NBDY: variants seen among roughly 807,000 people sequenced by gnomAD.
NBDY encodes the protein P-body dissociating protein.
intron 2 of NBDY, among the ~76,000 whole-genome samples, chrX:56,739,297 T>G (rs1482530514): frequency 3.3e-4 from 29 of 87,177 alleles, no homozygotes; most frequent in African/African-American, 1.2e-3. Context: ...TATATATATA[T>G]ATAGAGAGAG....
chrX:56,781,251 C>G (rs1387571323), intron 2 of NBDY, among the ~76,000 whole-genome samples: 1 of 111,989 alleles, frequency 8.9e-6, no homozygotes, highest in Non-Finnish European at 1.9e-5. Flanking sequence ...TCATTCACAA[C>G]TGTTTCCCGT....
chrX:56,757,502 G>A (rs1330093306), intron 2 of NBDY, among the ~76,000 whole-genome samples: 1 of 111,523 alleles, frequency 9.0e-6, no homozygotes, highest in Non-Finnish European at 1.9e-5. Flanking sequence ...CTTGACATCC[G>A]AAAAACAAAA....
chrX:56,814,210 T>G (rs952087277), intron 2 of NBDY, among the ~76,000 whole-genome samples: 1 of 111,201 alleles, frequency 9.0e-6, no homozygotes, highest in Admixed American at 9.6e-5. Flanking sequence ...CTTATCTTCT[T>G]TTAATTTCAT....
intron 2 of NBDY, among the ~76,000 whole-genome samples, chrX:56,736,326 G>A (rs766700160): frequency 3.8e-4 from 43 of 111,787 alleles, no homozygotes; most frequent in Non-Finnish European, 6.4e-4. Flanking sequence ...GTGCAGTGGC[G>A]CAATCTAGGC....
intron 2 of NBDY, among the ~76,000 whole-genome samples, chrX:56,744,735 G>A (rs971827464): frequency 9.0e-6 from 1 of 111,453 alleles, no homozygotes. Context: ...AAAATCCCCA[G>A]TGGATGCCTG....
rs780519694 is a variant in NBDY at position 56,797,929 on chromosome X, G to T, written c.*167-19391G>T. Among the ~76,000 whole-genome samples, 12 of 111,700 alleles carry T rather than the reference G, an allele frequency of 1.1e-4. 1 individual carries two copies. The Admixed American group carries it at 1.1e-3, about 11-fold the overall frequency. The stretch of plus-strand genomic sequence containing the variant: ...CAAACACACATGCAGACACACACAC[G>T]CAGGCACACTGACACATAAAGTCAC... On this transcript the variant is annotated intron_variant, in intron 2 of 2. Transcript: ENST00000374922.
At chrX:56,741,903 T>G (rs750091227) in intron 2 of NBDY, among the ~76,000 whole-genome samples, 4 of 111,800 alleles carry the variant, frequency 3.6e-5, no homozygotes, top group Non-Finnish European at 7.5e-5. Context: ...AAGAAATTTT[T>G]GCCCAGATCA....
chrX:56,783,242 T>G (rs539089845), intron 2 of NBDY, among the ~76,000 whole-genome samples: 1 of 112,771 alleles, frequency 8.9e-6, no homozygotes, highest in Non-Finnish European at 1.9e-5. Context: ...GAAAGGGCAG[T>G]CGGGGCGGCC....
Position 56,818,027 on chromosome X carries a change from G to C in NBDY, c.*874G>C, listed in dbSNP as rs1425473228. ...ATACAAGTAAAATGGGAAAACATTAGATAGCAGCTTTCAATATTTCATATA... is the reference window on the plus strand; with the variant it reads ...ATACAAGTAAAATGGGAAAACATTACATAGCAGCTTTCAATATTTCATATA... On this transcript the variant is annotated 3_prime_UTR_variant, in exon 3 of 3. Coordinates refer to ENST00000374922, the MANE Select transcript of NBDY (RefSeq NM_001348129.2). 5 of 111,318 alleles carry C rather than the reference G, an allele frequency of 4.5e-5. No individual in the cohort carries two copies. The highest frequency in any genetic ancestry group is 9.4e-5 in the Non-Finnish European group (5 of 53,017). The allele number at this position is 111,318 out of a possible 1,213,427, so 9.2% of individuals were successfully genotyped here. A position where few individuals can be genotyped will look rare whatever the true frequency, so the allele number is the denominator to read the frequency against.
chrX:56,764,874 G>A (rs547865195), intron 2 of NBDY, among the ~76,000 whole-genome samples: 10 of 111,484 alleles, frequency 9.0e-5, no homozygotes, highest in South Asian at 3.8e-4. Context: ...GTGCCCACGC[G>A]GTGCAGACCC....
intron 2 of NBDY, among the ~76,000 whole-genome samples, chrX:56,781,972 G>A (rs1051755163): frequency 9.0e-6 from 1 of 111,569 alleles, no homozygotes; most frequent in East Asian, 2.8e-4. Context: ...CATCCTCAGG[G>A]TAAGGTTCAG....
At chrX:56,785,642 CCT>C (rs2069723551) in intron 2 of NBDY, among the ~76,000 whole-genome samples, 1 of 111,511 alleles carries the variant, frequency 9.0e-6, no homozygotes. Flanking sequence ...AGCAGGGCAG[CCT>C]CCTGAACCAA....
At chrX:56,813,265 G>A (rs902136188) in intron 2 of NBDY, among the ~76,000 whole-genome samples, 2 of 111,104 alleles carry the variant, frequency 1.8e-5, no homozygotes, top group Admixed American at 9.6e-5. Context: ...CTCTTGGCTC[G>A]CTGTTTGTCC....
intron 2 of NBDY, among the ~76,000 whole-genome samples, chrX:56,764,982 C>T (rs1398444147): frequency 8.9e-6 from 1 of 112,741 alleles, no homozygotes; most frequent in Admixed American, 9.3e-5. Context: ...ATCTGAGGCA[C>T]TTTGCATTGC....
At chrX:56,756,872 C>A (rs994802326) in intron 2 of NBDY, among the ~76,000 whole-genome samples, 20 of 110,862 alleles carry the variant, frequency 1.8e-4, no homozygotes, top group Admixed American at 1.7e-3. Context: ...ATGAGAATCA[C>A]TTGAACCAGG....
chrX:56,745,559 T>C (rs976213354), intron 2 of NBDY, among the ~76,000 whole-genome samples: 2 of 111,143 alleles, frequency 1.8e-5, no homozygotes, highest in Non-Finnish European at 3.8e-5. Flanking sequence ...AAATTTAACA[T>C]TGATACAATA....
At chrX:56,745,414 C>T (rs991741477) in intron 2 of NBDY, among the ~76,000 whole-genome samples, 25 of 110,543 alleles carry the variant, frequency 2.3e-4, no homozygotes, top group Admixed American at 2.1e-3. Context: ...ATACTATATA[C>T]ATATATGTAT....
intron 2 of NBDY, among the ~76,000 whole-genome samples, chrX:56,738,413 A>G (rs12008695): frequency 0.1 from 11,651 of 111,382 alleles, 1,175 homozygotes; most frequent in African/African-American, 0.31. Flanking sequence ...GTGTTCTCCA[A>G]TCCAATTCAA....
chrX:56,794,110 T>G (rs188200824), intron 2 of NBDY, among the ~76,000 whole-genome samples: 1,954 of 112,341 alleles, frequency 0.017, 17 homozygotes, highest in African/African-American at 0.036. Flanking sequence ...GCTCTGTCTC[T>G]GGGCCTCTAG....
Sources: allele counts gnomAD v4.1 joint callset (sites outside exome capture counted in the v4.1 genomes callset), GRCh38; gene constraint gnomAD v4.1.1; transcripts MANE v1.5; gene names NCBI Gene and HGNC (gene_info 2026-07-23, HGNC 2026-07-21).